SLC9A8: variants seen among roughly 807,000 people sequenced by gnomAD.
SLC9A8 encodes sodium/hydrogen exchanger 8.
In SLC9A8, 48 loss-of-function variants were observed where a neutral mutation model predicts 66.6. The ratio of observed to expected loss-of-function variants is 0.72; its 90% CI spans 0.57 to 0.92. The LOEUF is 0.92. Ranked by LOEUF, SLC9A8 falls within the 40% of genes least tolerant of loss-of-function variation. The pLI is 0.00. For missense variants in SLC9A8, 599 were observed against 747.3 expected (o/e 0.80, Z 2.31); for synonymous variants, 274 against 282.6 (o/e 0.97, Z 0.31).
rs142592770 is a variant in SLC9A8 at position 49,845,422 on chromosome 20, C to T, written c.432+303C>T. Among the ~76,000 whole-genome samples, 3 of 152,350 alleles carry T rather than the reference C, an allele frequency of 2.0e-5. No homozygotes were observed. In the East Asian group the frequency reaches 5.8e-4, roughly 29 times the overall value. On this transcript the variant is annotated intron_variant, in intron 5 of 15. Transcript: ENST00000361573. ...AAGTGGCTCACAGATGATGCATTGA[C>T]TCGTCTTCCTGGACACAGACTGATA...
chr20:49,835,508 C>T (rs1284514801), intron 3 of SLC9A8, among the ~76,000 whole-genome samples: 1 of 151,970 alleles, frequency 6.6e-6, no homozygotes, highest in Non-Finnish European at 1.5e-5. Context: ...AGTCACTCCC[C>T]ATTTCCACAT....
At chr20:49,836,455 A>C (rs1237640203) in intron 3 of SLC9A8, among the ~76,000 whole-genome samples, 8 of 151,946 alleles carry the variant, frequency 5.3e-5, no homozygotes, top group African/African-American at 1.9e-4. Context: ...TGCCTCTCCC[A>C]AGTAGCTGGG....
intron 3 of SLC9A8, among the ~76,000 whole-genome samples, chr20:49,837,719 G>A (rs1353275650): frequency 2.0e-5 from 3 of 151,934 alleles, no homozygotes; most frequent in African/African-American, 7.3e-5. Flanking sequence ...AGAGGCGCCC[G>A]CCATGCCCGG....
intron 10 of SLC9A8, among the ~76,000 whole-genome samples, chr20:49,866,379 C>A (rs964377919): frequency 3.3e-5 from 5 of 152,150 alleles, no homozygotes; most frequent in African/African-American, 1.2e-4. Context: ...TGGGTAAATA[C>A]CTAGGATTAA....
At position 49,818,021 on chromosome 20, in the gene SLC9A8, C is replaced by T. The variant is rs2086617175; in HGVS notation, c.208+2832C>T. ...TTGATATGTTAGACAATATAAAAGG[C>T]GGGCCTGGAAAAAAAAAACTTTTGT... is the stretch of plus-strand genomic sequence containing the variant. On this transcript the variant is annotated intron_variant, in intron 2 of 15. Coordinates refer to ENST00000361573, the MANE Select transcript of SLC9A8 (RefSeq NM_015266.3). Among the ~76,000 whole-genome samples the T allele has an allele frequency of 2.7e-5, 4 of 149,502 alleles. No homozygotes were observed. In the South Asian group the frequency reaches 8.4e-4, roughly 32 times the overall value.
intron 4 of SLC9A8, among the ~76,000 whole-genome samples, chr20:49,840,715 C>G (rs572414644): frequency 6.6e-6 from 1 of 152,302 alleles, no homozygotes; most frequent in South Asian, 2.1e-4. Flanking sequence ...CATTTAACCA[C>G]CCAAGAGTGG....
chr20:49,817,541 TCTG>T (rs2086598495), intron 2 of SLC9A8, among the ~76,000 whole-genome samples: 1 of 151,884 alleles, frequency 6.6e-6, no homozygotes, highest in Non-Finnish European at 1.5e-5. Flanking sequence ...ATATTCTGTC[TCTG>T]GTGAGTGGAC....
At chr20:49,835,750 A>G (rs1374978330) in intron 3 of SLC9A8, among the ~76,000 whole-genome samples, 2 of 139,138 alleles carry the variant, frequency 1.4e-5, no homozygotes, top group Non-Finnish European at 3.0e-5. Context: ...CAGTGCTACA[A>G]TCTCAGCTTA....
chr20:49,886,511 G>C lies in SLC9A8; in HGVS notation c.1492-241G>C. 2.3e-6 allele frequency: 1 copy of C among 444,256 alleles called. No homozygotes were observed. The highest frequency in any genetic ancestry group is 4.0e-6 in the Non-Finnish European group (1 of 251,088). 27.5% of individuals were successfully genotyped at this position (444,256 alleles called of 1,614,324 possible). A position where few individuals can be genotyped will look rare whatever the true frequency, so the allele number is the denominator to read the frequency against. On this transcript the variant is annotated intron_variant, in intron 14 of 15. Transcript: ENST00000361573. This position sits in a 1 kb window ranked among gnomAD's most constrained non-coding sequence, Gnocchi z 4.8. ...AAGCTTAAAGACCAAGCCCCAGCCT[G>C]GCCCAGTCCTTCTGTTTTAGCTGTC... is the stretch of plus-strand genomic sequence containing the variant.
At chr20:49,869,211 ACTTTCTTT>A (rs544095855) in intron 10 of SLC9A8, among the ~76,000 whole-genome samples, 28 of 151,772 alleles carry the variant, frequency 1.8e-4, no homozygotes, top group Admixed American at 3.9e-4. Context: ...ATGAGATAAC[ACTTTCTTT>A]CTTTCTTTCT....
At chr20:49,825,874 C>T (rs1190160304) in intron 3 of SLC9A8, among the ~76,000 whole-genome samples, 1 of 152,116 alleles carries the variant, frequency 6.6e-6, no homozygotes, top group African/African-American at 2.4e-5. Context: ...GTGTGGTAAG[C>T]CCTTAAAGCA....
chr20:49,859,755 G>A (rs1213375601), intron 8 of SLC9A8, among the ~76,000 whole-genome samples: 1 of 152,172 alleles, frequency 6.6e-6, no homozygotes, highest in Non-Finnish European at 1.5e-5. Context: ...CTATGATAGT[G>A]TGTTCTTAAA....
chr20:49,888,146 G>T lies in SLC9A8; in HGVS notation c.*210G>T. The T allele has an allele frequency of 2.0e-6, 1 of 499,580 alleles. No homozygotes were observed. Among genetic ancestry groups the T allele is most frequent in the South Asian group, 2.0e-5 (1 of 48,856 alleles). The allele number at this position is 499,580 out of a possible 1,614,324, so 30.9% of individuals were successfully genotyped here. Reference sequence around the variant, plus strand: ...ACTTCTTGGGAAACTGTCATCTCCCGACTCCTCCCTGAGCCAGCCTCCGCT... The same window carrying T: ...ACTTCTTGGGAAACTGTCATCTCCCTACTCCTCCCTGAGCCAGCCTCCGCT... On this transcript the variant is annotated 3_prime_UTR_variant, in exon 16 of 16. Coordinates refer to ENST00000361573, the MANE Select transcript of SLC9A8 (RefSeq NM_015266.3).
chr20:49,849,333 G>A (rs2146609115), intron 5 of SLC9A8, among the ~76,000 whole-genome samples: 1 of 152,062 alleles, frequency 6.6e-6, no homozygotes, highest in South Asian at 2.1e-4. Context: ...AGGGGCCCTG[G>A]GGGGTTGAGG....
chr20:49,836,656 T>C (rs1335158064), intron 3 of SLC9A8, among the ~76,000 whole-genome samples: 1 of 152,212 alleles, frequency 6.6e-6, no homozygotes, highest in Non-Finnish European at 1.5e-5. Flanking sequence ...TTTGAAATAC[T>C]GCTGTTAGGA....
Position 49,849,587 on chromosome 20 carries a change from C to T in SLC9A8, c.441C>T (p.Phe147=), listed in dbSNP as rs2088162218. Reference sequence around the variant, plus strand: ...TCTGCTCTTTCAAACAGGGTAACTTCTTTCAAAATATTGGTTCCATCACCC... The same window carrying T: ...TCTGCTCTTTCAAACAGGGTAACTTTTTTCAAAATATTGGTTCCATCACCC... ...ESGYSLHKGN[F]FQNIGSITLF... Residue 147 remains phenylalanine, a synonymous_variant, in exon 6 of 16, where the codon TTC becomes TTT. Coordinates refer to ENST00000361573, the MANE Select transcript of SLC9A8 (RefSeq NM_015266.3). The T allele has an allele frequency of 1.9e-6, 3 of 1,612,826 alleles. No homozygotes were observed. Among genetic ancestry groups the T allele is most frequent in the Non-Finnish European group, 2.5e-6 (3 of 1,178,834 alleles).
At chr20:49,887,770 C>T in intron 15 of SLC9A8, 59 bp from the exon 16 acceptor site, 3 of 1,362,592 alleles carry the variant, frequency 2.2e-6, no homozygotes, top group East Asian at 2.4e-5. Context: ...GTAGCATCCC[C>T]TCCCTTCCAT....
intron 3 of SLC9A8, among the ~76,000 whole-genome samples, chr20:49,825,626 G>A (rs2146479930): frequency 6.6e-6 from 1 of 152,268 alleles, no homozygotes; most frequent in East Asian, 1.9e-4. Context: ...CTGGGTGACA[G>A]AGCAAGACTC....
chr20:49,814,064 A>G (rs1367250733), intron 1 of SLC9A8, among the ~76,000 whole-genome samples: 2 of 152,174 alleles, frequency 1.3e-5, no homozygotes, highest in Non-Finnish European at 2.9e-5. Context: ...AACTTTTCAA[A>G]TATATTTCTT....
Sources: gnomAD v4.1 joint callset for allele counts (sites outside exome capture counted in the v4.1 genomes callset) on GRCh38, gnomAD v4.1.1 for gene constraint, Gnocchi (gnomAD v3.1) non-coding constraint, MANE v1.5 for transcripts, NCBI Gene and HGNC (gene_info 2026-07-23, HGNC 2026-07-21) for gene names.